Variants in PPARGC1A observed in about 807,000 individuals in gnomAD.
PPARGC1A encodes the protein peroxisome proliferator-activated receptor gamma coactivator 1-alpha.
A neutral mutation model predicts 88.7 loss-of-function variants in PPARGC1A; 25 were observed. The observed-to-expected ratio is 0.28, with a 90% CI of 0.21 to 0.39. PPARGC1A has a LOEUF of 0.39. PPARGC1A is among the 10% of genes least tolerant of loss of function. The pLI, the probability that PPARGC1A is intolerant of heterozygous loss-of-function variation, is 1.00. For missense variants in PPARGC1A, 880 were observed against 968.7 expected (o/e 0.91, Z 1.22); for synonymous variants, 363 against 355.6 (o/e 1.02, Z -0.24).
the PPARGC1A span, among the ~76,000 whole-genome samples, chr4:23,926,806 G>A: frequency 6.6e-6 from 1 of 152,150 alleles, no homozygotes; most frequent in Non-Finnish European, 1.5e-5. Flanking sequence ...TCCAGAGCCT[G>A]GTGTACTCAT....
At chr4:24,448,755 C>A in the PPARGC1A span, among the ~76,000 whole-genome samples, 326 of 152,274 alleles carry the variant, frequency 2.1e-3, 2 homozygotes, top group Non-Finnish European at 3.3e-3. Flanking sequence ...AGTCTGAATA[C>A]CCCTCCCTGC....
chr4:24,038,295 G>A, the PPARGC1A span, among the ~76,000 whole-genome samples: 2 of 152,166 alleles, frequency 1.3e-5, no homozygotes, highest in African/African-American at 4.8e-5. Context: ...ACTTCCACGT[G>A]AGATTACTAT....
chr4:23,944,904 A>G, the PPARGC1A span, among the ~76,000 whole-genome samples: 1 of 152,290 alleles, frequency 6.6e-6, no homozygotes, highest in African/African-American at 2.4e-5. Flanking sequence ...ACCCAGTCTC[A>G]GGTATGTCTT....
chr4:24,111,475 T>C, the PPARGC1A span, among the ~76,000 whole-genome samples: 1 of 152,304 alleles, frequency 6.6e-6, no homozygotes, highest in East Asian at 1.9e-4. Flanking sequence ...TGCTACCAGA[T>C]TGTTAATAAA....
At chr4:23,915,905 C>G in the PPARGC1A span, among the ~76,000 whole-genome samples, 1 of 152,200 alleles carries the variant, frequency 6.6e-6, no homozygotes, top group Non-Finnish European at 1.5e-5. Context: ...GCCACCACCC[C>G]CTCCCTGTGC....
chr4:23,990,062 TATTA>T, the PPARGC1A span, among the ~76,000 whole-genome samples: 3 of 133,650 alleles, frequency 2.2e-5, no homozygotes, highest in East Asian at 4.4e-4. Context: ...GCATTATAAT[TATTA>T]ATTATATATT....
At chr4:24,196,439 G>A in the PPARGC1A span, among the ~76,000 whole-genome samples, 1 of 152,190 alleles carries the variant, frequency 6.6e-6, no homozygotes, top group Non-Finnish European at 1.5e-5. Flanking sequence ...TAGCATTTTG[G>A]AAAGGTAATT....
At chr4:24,271,604 C>T in the PPARGC1A span, among the ~76,000 whole-genome samples, 1 of 152,120 alleles carries the variant, frequency 6.6e-6, no homozygotes, top group Non-Finnish European at 1.5e-5. Context: ...GTCTCAATCT[C>T]CTGACCTCGT....
the PPARGC1A span, among the ~76,000 whole-genome samples, chr4:23,982,901 C>T: frequency 4.7e-4 from 72 of 152,078 alleles, no homozygotes; most frequent in Non-Finnish European, 9.4e-4. Flanking sequence ...CAAACTACAG[C>T]CCATGGGCCG....
At chr4:23,841,138 T>C (rs1193220318) in intron 2 of PPARGC1A, among the ~76,000 whole-genome samples, 3 of 152,122 alleles carry the variant, frequency 2.0e-5, no homozygotes, top group Non-Finnish European at 4.4e-5. Context: ...GGACACATCA[T>C]CAAGCAATCA....
At chr4:23,826,031 C>T (rs1723866847) in intron 5 of PPARGC1A, among the ~76,000 whole-genome samples, 1 of 152,076 alleles carries the variant, frequency 6.6e-6, no homozygotes, top group Admixed American at 6.5e-5. Context: ...CATTGAAAAT[C>T]AGTCACTGAA....
At chr4:24,325,938 G>A in the PPARGC1A span, among the ~76,000 whole-genome samples, 1 of 152,040 alleles carries the variant, frequency 6.6e-6, no homozygotes, top group Non-Finnish European at 1.5e-5. Flanking sequence ...CTCTTTTTCA[G>A]TTATCTCCAC....
At chr4:24,160,233 G>A in the PPARGC1A span, among the ~76,000 whole-genome samples, 1 of 152,148 alleles carries the variant, frequency 6.6e-6, no homozygotes, top group Non-Finnish European at 1.5e-5. Flanking sequence ...TATTCATCGA[G>A]AACTTTCTAT....
intron 2 of PPARGC1A, among the ~76,000 whole-genome samples, chr4:23,863,251 G>A (rs1217369114): frequency 2.0e-5 from 3 of 152,054 alleles, no homozygotes; most frequent in Non-Finnish European, 2.9e-5. Context: ...TTCCTCACCA[G>A]GCCCCTGGTT....
the PPARGC1A span, among the ~76,000 whole-genome samples, chr4:23,950,865 C>T: frequency 6.6e-6 from 1 of 152,060 alleles, no homozygotes; most frequent in Non-Finnish European, 1.5e-5. Flanking sequence ...CTAATTTTAC[C>T]CCAAGCACAG....
At chr4:24,053,910 T>TC in the PPARGC1A span, among the ~76,000 whole-genome samples, 1 of 152,166 alleles carries the variant, frequency 6.6e-6, no homozygotes, top group Non-Finnish European at 1.5e-5. Context: ...CTCCTAACTC[T>TC]CCACCAGCCA....
At chr4:24,080,881 C>T in the PPARGC1A span, among the ~76,000 whole-genome samples, 1 of 151,948 alleles carries the variant, frequency 6.6e-6, no homozygotes, top group Non-Finnish European at 1.5e-5. Context: ...CAAGTAAGCA[C>T]GATTTGTTGA....
chr4:24,290,981 C>T, the PPARGC1A span, among the ~76,000 whole-genome samples: 4 of 152,160 alleles, frequency 2.6e-5, no homozygotes, highest in Non-Finnish European at 5.9e-5. Flanking sequence ...TGGTTCGATT[C>T]TACTTTCTCC....
At chr4:24,009,150 A>AAAAAAAGAGAG in the PPARGC1A span, among the ~76,000 whole-genome samples, 31 of 79,788 alleles carry the variant, frequency 3.9e-4, no homozygotes, top group South Asian at 2.1e-3. Context: ...AAAAAAAAAA[A>AAAAAAAGAGAG]AGAGAGAGAA....
Sources: gnomAD v4.1 joint callset for allele counts (sites outside exome capture counted in the v4.1 genomes callset) on GRCh38, gnomAD v4.1.1 for gene constraint, MANE v1.5 for transcripts, NCBI Gene and HGNC (gene_info 2026-07-23, HGNC 2026-07-21) for gene names.